SPATA6L: variants seen among roughly 807,000 people sequenced by gnomAD.
The protein encoded by SPATA6L is spermatogenesis associated 6-like protein.
In SPATA6L, 68 loss-of-function variants were observed where a neutral mutation model predicts 49.2. That is an observed-to-expected ratio of 1.38 (90% CI 1.14 to 1.69). The LOEUF (loss-of-function observed/expected upper bound fraction) is 1.69, where lower values mean the gene tolerates loss of function less well. SPATA6L is among the 40% of genes most tolerant of loss of function. The probability of loss-of-function intolerance (pLI) is 0.00; values close to 1 mark genes in which losing one functional copy is unlikely to be tolerated. For synonymous variants in SPATA6L, 198 were observed against 165.7 expected (o/e 1.19, Z -1.50); for missense variants, 668 against 464.3 (o/e 1.44, Z -4.03).
At chr9:4,654,177 T>C (rs1452821305) in intron 3 of SPATA6L, among the ~76,000 whole-genome samples, 1 of 152,122 alleles carries the variant, frequency 6.6e-6, no homozygotes, top group East Asian at 1.9e-4. Flanking sequence ...TGTGGGAAAA[T>C]GGAACCCTCA....
At chr9:4,609,619 T>G (rs980651678) in intron 9 of SPATA6L, among the ~76,000 whole-genome samples, 18 of 151,662 alleles carry the variant, frequency 1.2e-4, no homozygotes, top group African/African-American at 4.1e-4. Flanking sequence ...AAACTCTCAA[T>G]AAATTAGGTA....
At chr9:4,647,766 C>A (rs1186685202) in intron 3 of SPATA6L, among the ~76,000 whole-genome samples, 1 of 150,226 alleles carries the variant, frequency 6.7e-6, no homozygotes, top group African/African-American at 2.4e-5. Flanking sequence ...TAGGTTGGTG[C>A]AATTATAACA....
downstream of SPATA6L, among the ~76,000 whole-genome samples, chr9:4,594,215 T>C (rs1469286373): frequency 1.3e-5 from 2 of 152,178 alleles, no homozygotes; most frequent in African/African-American, 4.8e-5. Context: ...GGTTTTTGTT[T>C]TTTGTTTTTT....
intron 3 of SPATA6L, among the ~76,000 whole-genome samples, chr9:4,650,199 G>C (rs1836474454): frequency 6.6e-6 from 1 of 152,134 alleles, no homozygotes. Context: ...GCCAGCCTGA[G>C]ACCTAGCCTG....
intron 9 of SPATA6L, among the ~76,000 whole-genome samples, chr9:4,613,675 C>T (rs1347384887): frequency 2.6e-5 from 4 of 152,106 alleles, no homozygotes; most frequent in Admixed American, 6.5e-5. Flanking sequence ...CCTCTGCCTC[C>T]TATGTTCAAG....
At chr9:4,630,013 G>A (rs2130509428) in intron 4 of SPATA6L, among the ~76,000 whole-genome samples, 1 of 151,960 alleles carries the variant, frequency 6.6e-6, no homozygotes, top group South Asian at 2.1e-4. Flanking sequence ...TACATGGATG[G>A]ATCTCAACAG....
intron 4 of SPATA6L, among the ~76,000 whole-genome samples, chr9:4,629,432 C>G (rs1831018115): frequency 6.6e-6 from 1 of 151,930 alleles, no homozygotes; most frequent in South Asian, 2.1e-4. Context: ...AATAGTATCT[C>G]CTCAACTAAG....
At chr9:4,590,886 C>T (rs1174120927) in intron 13 of SPATA6L, among the ~76,000 whole-genome samples, 1 of 152,192 alleles carries the variant, frequency 6.6e-6, no homozygotes, top group Non-Finnish European at 1.5e-5. Context: ...CTGGTAGCTG[C>T]CATTCCTCCA....
At chr9:4,597,147 A>G (rs974251524), downstream of SPATA6L, among the ~76,000 whole-genome samples, 1 of 152,176 alleles carries the variant, frequency 6.6e-6, no homozygotes, top group Non-Finnish European at 1.5e-5. Context: ...AAATGGCAGA[A>G]CTAGGATTTA....
intron 13 of SPATA6L, among the ~76,000 whole-genome samples, chr9:4,590,336 C>CA (rs1438389971): frequency 6.6e-6 from 1 of 152,184 alleles, no homozygotes; most frequent in Non-Finnish European, 1.5e-5. Flanking sequence ...GGGCTGCATG[C>CA]ACAGTGCCAC....
intron 7 of SPATA6L, among the ~76,000 whole-genome samples, chr9:4,620,863 C>A (rs142183136): frequency 1.3e-5 from 2 of 152,204 alleles, no homozygotes; most frequent in African/African-American, 2.4e-5. Context: ...GATTTCACTG[C>A]AGTAGGAAAG....
chr9:4,645,636 C>A (rs1835212624), intron 3 of SPATA6L, among the ~76,000 whole-genome samples: 1 of 152,166 alleles, frequency 6.6e-6, no homozygotes, highest in Non-Finnish European at 1.5e-5. Flanking sequence ...TTACCCAATC[C>A]ATATAGAAGA....
intron 9 of SPATA6L, among the ~76,000 whole-genome samples, chr9:4,605,801 G>A (rs1824667231): frequency 6.6e-6 from 1 of 152,078 alleles, no homozygotes; most frequent in South Asian, 2.1e-4. Flanking sequence ...CCGGTTTTCG[G>A]GGAGAGCCAA....
At chr9:4,604,158 C>A in intron 11 of SPATA6L, 21 bp downstream of exon 11, 1 of 1,531,818 alleles carries the variant, frequency 6.5e-7, no homozygotes, top group Non-Finnish European at 8.9e-7. Context: ...ACTTAAGCTG[C>A]TTACTTACAT....
intron 2 of SPATA6L, among the ~76,000 whole-genome samples, chr9:4,660,816 T>C (rs1055843379): frequency 6.6e-6 from 1 of 152,068 alleles, no homozygotes; most frequent in Non-Finnish European, 1.5e-5. Context: ...ATTAAGAAAA[T>C]GTGGCACATA....
At chr9:4,601,684 A>G (rs1291634272) in intron 11 of SPATA6L, among the ~76,000 whole-genome samples, 1 of 152,088 alleles carries the variant, frequency 6.6e-6, no homozygotes, top group Non-Finnish European at 1.5e-5. Flanking sequence ...GGAGAAGGGG[A>G]GGGACAGGAA....
At position 4,604,286 on chromosome 9, in the gene SPATA6L, T is replaced by C. The variant is rs749700288; in HGVS notation, c.1090-17A>G. The C allele has an allele frequency of 8.8e-5, 135 of 1,532,410 alleles. 1 individual carries two copies. In the East Asian group the frequency reaches 1.6e-3, roughly 18 times the overall value. The allele number at this position is 1,532,410 out of a possible 1,614,324, so 94.9% of individuals were successfully genotyped here. A position where few individuals can be genotyped will look rare whatever the true frequency, so the allele number is the denominator to read the frequency against. ...AGAATCTTCCTACAATAAAAACAAA[T>C]CCAGCAATTATGTTACCCATAACAT... On this transcript the variant is annotated splice_polypyrimidine_tract_variant and intron_variant, in intron 10 of 11. Transcript: ENST00000682582.
chr9:4,606,273 GC>G (rs1824973700), intron 9 of SPATA6L, among the ~76,000 whole-genome samples: 1 of 139,434 alleles, frequency 7.2e-6, no homozygotes, highest in Non-Finnish European at 1.6e-5. Context: ...GCAGCCGGAA[GC>G]TCCAACTGGG....
At position 4,600,116 on chromosome 9, in the gene SPATA6L, G is replaced by A. The variant is rs537164017; in HGVS notation, c.*695C>T. Among the ~76,000 whole-genome samples the A allele has an allele frequency of 1.8e-4, 27 of 152,188 alleles. No homozygotes were observed. The South Asian group carries it at 4.8e-3, about 27-fold the overall frequency. ...TAGTTCTTTTGGAGAAATATTTGAG[G>A]AAGGTTTTGTTCCTCATCTAAATTT... On this transcript the variant is annotated 3_prime_UTR_variant, in exon 12 of 12. Coordinates refer to ENST00000682582, the MANE Select transcript of SPATA6L (RefSeq NM_001353486.2).
Sources: gnomAD v4.1 joint callset for allele counts (sites outside exome capture counted in the v4.1 genomes callset) on GRCh38, gnomAD v4.1.1 for gene constraint, MANE v1.5 for transcripts, NCBI Gene and HGNC (gene_info 2026-07-23, HGNC 2026-07-21) for gene names.